OPTN: variants seen among roughly 807,000 people sequenced by gnomAD.
OPTN encodes optineurin.
A neutral mutation model predicts 70.4 loss-of-function variants in OPTN; 54 were observed. The ratio of observed to expected loss-of-function variants is 0.77; its 90% CI spans 0.62 to 0.96. OPTN has a LOEUF of 0.96. Among genes scored for constraint, OPTN ranks in the 40% least tolerant of loss-of-function variants. The pLI is 0.00. For missense variants in OPTN, 624 were observed against 673.2 expected (o/e 0.93, Z 0.81); for synonymous variants, 256 against 248.5 (o/e 1.03, Z -0.28).
At chr10:13,123,863 T>C in intron 8 of OPTN, 132 bp from the exon 9 acceptor site, 1 of 696,742 alleles carries the variant, frequency 1.4e-6, no homozygotes. Flanking sequence ...GTTTGGGGTA[T>C]TGTCAAAGTT....
At chr10:13,113,363 C>T (rs533321878) in intron 5 of OPTN, among the ~76,000 whole-genome samples, 2 of 152,214 alleles carry the variant, frequency 1.3e-5, no homozygotes, top group African/African-American at 4.8e-5. Context: ...GTATGAGGAA[C>T]CCTGATACAT....
chr10:13,114,803 C>CGT lies in OPTN; in HGVS notation c.553-1464_553-1463insGT, dbSNP rs1564358784. 7.2e-3 allele frequency among the ~76,000 whole-genome samples: 121 copies of CGT among 16,728 alleles called. 1 individual carries two copies. The highest frequency in any genetic ancestry group is 0.016 in the Non-Finnish European group (86 of 5,524). 11.0% of individuals were successfully genotyped at this position (16,728 alleles called of 152,430 possible). ...TTATATAATTATATAATTATATATA[C>CGT]ATATATATAATTATATAATTATATA... On this transcript the variant is annotated intron_variant, in intron 5 of 14. Transcript: ENST00000378747.
At chr10:13,119,429 C>T (rs1190052733) in intron 7 of OPTN, among the ~76,000 whole-genome samples, 3 of 152,200 alleles carry the variant, frequency 2.0e-5, no homozygotes, top group African/African-American at 7.2e-5. Flanking sequence ...TCTATATATA[C>T]AACATTTTGT....
Position 13,119,067 on chromosome 10 carries a change from G to T in OPTN, c.779+27G>T, listed in dbSNP as rs966003657. 5.6e-6 allele frequency: 9 copies of T among 1,608,366 alleles called. No individual in the cohort carries two copies. In the African/African-American group the frequency reaches 1.1e-4, roughly 19 times the overall value. On this transcript the variant is annotated intron_variant, in intron 7 of 14. Coordinates refer to ENST00000378747, the MANE Select transcript of OPTN (RefSeq NM_001008212.2). ...TATGAAATAGGTTAACTTGAAATATGTGTTTTTTTAAAACAGCTTTCCTGA... is the reference window on the plus strand; with the variant it reads ...TATGAAATAGGTTAACTTGAAATATTTGTTTTTTTAAAACAGCTTTCCTGA...
At chr10:13,129,821 A>G (rs559302642) in intron 12 of OPTN, among the ~76,000 whole-genome samples, 1 of 152,368 alleles carries the variant, frequency 6.6e-6, no homozygotes, top group Admixed American at 6.5e-5. Context: ...TATTTTTAAT[A>G]TAATAATGTC....
At chr10:13,114,530 A>AT (rs1833079229) in intron 5 of OPTN, among the ~76,000 whole-genome samples, 2 of 151,472 alleles carry the variant, frequency 1.3e-5, no homozygotes, top group African/African-American at 4.9e-5. Flanking sequence ...AGTGACAGTT[A>AT]TTTTTAGTGT....
chr10:13,115,520 T>A (rs572226833), intron 5 of OPTN, among the ~76,000 whole-genome samples: 2 of 103,886 alleles, frequency 1.9e-5, no homozygotes, highest in African/African-American at 8.9e-5. Context: ...ATATAATATA[T>A]TCTATAATAT....
chr10:13,114,831 T>C (rs1484342462), intron 5 of OPTN, among the ~76,000 whole-genome samples: 1 of 106,176 alleles, frequency 9.4e-6, no homozygotes, highest in East Asian at 2.9e-4. Context: ...ATTATATAAT[T>C]ATATAATTAT....
rs79733653 is a variant in OPTN at position 13,119,060 on chromosome 10, G to A, written c.779+20G>A. On this transcript the variant is annotated intron_variant, in intron 7 of 14. Transcript: ENST00000378747. ...AGAAAGGTATGAAATAGGTTAACTT[G>A]AAATATGTGTTTTTTTAAAACAGCT... The A allele has an allele frequency of 9.9e-4, 1,597 of 1,611,126 alleles. 31 individuals carry two copies. In the East Asian group the frequency reaches 0.03, roughly 30 times the overall value.
chr10:13,108,520 C>T (rs1054450581), intron 2 of OPTN, among the ~76,000 whole-genome samples: 1 of 151,302 alleles, frequency 6.6e-6, no homozygotes, highest in East Asian at 1.9e-4. Context: ...CTCCCTCCCC[C>T]ATTTCCCAAA....
In OPTN at chr10:13,123,899, T is replaced by C. The variant is rs1588446619; in HGVS notation, c.883-96T>C. The C allele has an allele frequency of 7.3e-6, 6 of 816,874 alleles. No homozygotes were observed. In the East Asian group the frequency reaches 1.0e-4, roughly 14 times the overall value. The allele number at this position is 816,874 out of a possible 1,614,324, so 50.6% of individuals were successfully genotyped here. A position where few individuals can be genotyped will look rare whatever the true frequency, so the allele number is the denominator to read the frequency against. On this transcript the variant is annotated intron_variant, in intron 8 of 14. Transcript: ENST00000378747. ...GGATTGATTCACCAGCCAGTCTTAATTGGCTACTAATGGTTCAGCCTGTTT... is the reference window on the plus strand; with the variant it reads ...GGATTGATTCACCAGCCAGTCTTAACTGGCTACTAATGGTTCAGCCTGTTT...
chr10:13,126,686 T>C (rs1833473671), intron 11 of OPTN, among the ~76,000 whole-genome samples: 1 of 152,188 alleles, frequency 6.6e-6, no homozygotes, highest in Non-Finnish European at 1.5e-5. Context: ...CCAGCGTGCC[T>C]GCTGTCAGTG....
intron 2 of OPTN, chr10:13,108,888 ACACACATG>A: frequency 1.9e-6 from 1 of 537,450 alleles, no homozygotes; most frequent in East Asian, 3.4e-5. Context: ...ACACGCACAC[ACACACATG>A]CACACATGCG....
chr10:13,119,019 C>A lies in OPTN; in HGVS notation c.758C>A (p.Ala253Glu). The A allele has an allele frequency of 6.2e-7, 1 of 1,614,098 alleles. No homozygotes were observed. The highest frequency in any genetic ancestry group is 8.5e-7 in the Non-Finnish European group (1 of 1,179,998). The change falls in exon 7 of 15, where the codon GCA becomes GAA. Residue 253 changes from alanine (A) to glutamate (E), a missense_variant. Ala to Glu is a moderately radical substitution (Grantham distance 107). Coordinates refer to ENST00000378747, the MANE Select transcript of OPTN (RefSeq NM_001008212.2). Reference protein sequence around the residue: ...GNQKVERLEVALKEAKERVSD... With the variant: ...GNQKVERLEVELKEAKERVSD... ...CAGAAGGTGGAGAGACTTGAAGTTG[C>A]ACTCAAGGAGGCCAAAGAAAGGTAT...
intron 11 of OPTN, among the ~76,000 whole-genome samples, chr10:13,127,057 G>A (rs1322936812): frequency 6.6e-6 from 1 of 152,164 alleles, no homozygotes; most frequent in East Asian, 1.9e-4. Flanking sequence ...TAGTAATAAT[G>A]CCAGCATGGT....
chr10:13,122,370 T>C lies in OPTN; in HGVS notation c.780-15T>C. 3 of 1,573,396 alleles carry C rather than the reference T, an allele frequency of 1.9e-6. No individual in the cohort carries two copies. Among genetic ancestry groups the C allele is most frequent in the Non-Finnish European group, 8.8e-7 (1 of 1,142,828 alleles). The stretch of plus-strand genomic sequence containing the variant: ...CAAAGAGAAAGTAACTTTTCTATCT[T>C]CTGTGATTTTCCAGAGTTTCAGATT... On this transcript the variant is annotated splice_polypyrimidine_tract_variant and intron_variant, in intron 7 of 14. Coordinates refer to ENST00000378747, the MANE Select transcript of OPTN (RefSeq NM_001008212.2).
rs563795803 is a variant in OPTN at position 13,136,785 on chromosome 10, G to A, written c.1653G>A (p.Pro551=). ...DRDWRQQRNI[P]IHSCPKCGEV... is the part of the protein sequence containing the mutation. ...ACTGGCGGCAACAGCGGAATATTCC[G>A]ATTCATTCCTGCCCCAAGTGTGGAG... Residue 551 remains proline, a synonymous_variant, in exon 15 of 15, where the codon CCG becomes CCA. Coordinates refer to ENST00000378747, the MANE Select transcript of OPTN (RefSeq NM_001008212.2). 7.4e-6 allele frequency: 12 copies of A among 1,614,012 alleles called. No homozygotes were observed. Among genetic ancestry groups the A allele is most frequent in the Admixed American group, 6.7e-5 (4 of 59,990 alleles).
intron 3 of OPTN, chr10:13,109,552 G>C: frequency 2.3e-6 from 1 of 439,042 alleles, no homozygotes; most frequent in East Asian, 4.5e-5. Context: ...GAGGCTGGGC[G>C]TGGTGGCTCA....
intron 7 of OPTN, among the ~76,000 whole-genome samples, chr10:13,121,916 G>A (rs1029400796): frequency 6.6e-6 from 1 of 152,100 alleles, no homozygotes; most frequent in African/African-American, 2.4e-5. Context: ...GGATTGGGAC[G>A]GCTTTCCTGT....
Sources: gnomAD v4.1 joint callset for allele counts (sites outside exome capture counted in the v4.1 genomes callset) on GRCh38, gnomAD v4.1.1 for gene constraint, MANE v1.5 for transcripts, NCBI Gene and HGNC (gene_info 2026-07-23, HGNC 2026-07-21) for gene names.